SMCO2: variants seen among roughly 807,000 people sequenced by gnomAD.
The protein encoded by SMCO2 is single-pass membrane protein with coiled-coil domains 2, also known as single-pass membrane and coiled-coil domain-containing protein 2.
A neutral mutation model predicts 29.5 loss-of-function variants in SMCO2; 25 were observed. The ratio of observed to expected loss-of-function variants is 0.85; its 90% confidence interval spans 0.62 to 1.18. The LOEUF (loss-of-function observed/expected upper bound fraction) is 1.18. Ranked by LOEUF, SMCO2 falls within the 50% of genes most tolerant of loss-of-function variation. The probability of loss-of-function intolerance (pLI) is 0.00; values close to 1 mark genes in which losing one functional copy is unlikely to be tolerated. For synonymous variants in SMCO2, 117 were observed against 123.3 expected (o/e 0.95, Z 0.34); for missense variants, 348 against 344.5 (o/e 1.01, Z -0.08).
intron 1 of SMCO2, 146 bp from the exon 2 acceptor site, chr12:27,470,475 TG>T (rs1454824505): frequency 4.9e-6 from 4 of 816,072 alleles, no homozygotes; most frequent in Non-Finnish European, 1.8e-6. Flanking sequence ...GAGCTTGTTT[TG>T]GGGTCCTTTA....
chr12:27,470,860 C>CA, intron 2 of SMCO2, 95 bp downstream of exon 2: 1 of 1,378,542 alleles, frequency 7.3e-7, no homozygotes. Flanking sequence ...TTTCCAGGTT[C>CA]AGAGTCTAGG....
chr12:27,497,796 A>G, intron 7 of SMCO2: 2 of 200,362 alleles, frequency 1.0e-5, no homozygotes, highest in South Asian at 9.4e-5. Context: ...GGCTGCTCTT[A>G]AGCAAAAACT....
intron 4 of SMCO2, among the ~76,000 whole-genome samples, chr12:27,477,579 G>T (rs201910957): frequency 1.5e-5 from 2 of 131,120 alleles, no homozygotes; most frequent in African/African-American, 6.0e-5. Flanking sequence ...TCCAAATATT[G>T]GTTTCCTTAT....
At chr12:27,495,959 T>C in intron 7 of SMCO2, 104 bp downstream of exon 8, 3 of 1,165,024 alleles carry the variant, frequency 2.6e-6, no homozygotes, top group Non-Finnish European at 2.2e-6. Context: ...TGTTTTGTTT[T>C]ATTTTCGTTT....
At chr12:27,484,851 CAAAAAAAA>C (rs35818629) in intron 4 of SMCO2, among the ~76,000 whole-genome samples, 1 of 73,000 alleles carries the variant, frequency 1.4e-5, no homozygotes, top group Non-Finnish European at 2.7e-5. Flanking sequence ...GACTCCATCT[CAAAAAAAA>C]AAAAAAAAAA....
chr12:27,441,606 G>A, the SMCO2 span, among the ~76,000 whole-genome samples: 1 of 152,140 alleles, frequency 6.6e-6, no homozygotes, highest in African/African-American at 2.4e-5. Flanking sequence ...TAGGGAGAGA[G>A]AGACTGCAGT....
At chr12:27,454,500 A>G in the SMCO2 span, among the ~76,000 whole-genome samples, 1 of 152,184 alleles carries the variant, frequency 6.6e-6, no homozygotes, top group Non-Finnish European at 1.5e-5. Context: ...ACGTTTTACA[A>G]TTCTCTTTAC....
chr12:27,458,573 T>G, the SMCO2 span, among the ~76,000 whole-genome samples: 2 of 152,198 alleles, frequency 1.3e-5, no homozygotes, highest in Admixed American at 1.3e-4. Flanking sequence ...GGCTTAAAGA[T>G]AGAGTTTTAT....
chr12:27,456,169 C>T, the SMCO2 span, among the ~76,000 whole-genome samples: 18 of 152,100 alleles, frequency 1.2e-4, no homozygotes, highest in Non-Finnish European at 2.4e-4. Context: ...GAGCCGAGAT[C>T]GCACCTTTGC....
the SMCO2 span, among the ~76,000 whole-genome samples, chr12:27,440,068 T>C: frequency 6.6e-6 from 1 of 152,064 alleles, no homozygotes; most frequent in Admixed American, 6.6e-5. Context: ...TCCCAAAGGC[T>C]AAAGACAAAG....
At chr12:27,473,536 C>G (rs141451205) in intron 3 of SMCO2, among the ~76,000 whole-genome samples, 1 of 152,148 alleles carries the variant, frequency 6.6e-6, no homozygotes, top group Non-Finnish European at 1.5e-5. Flanking sequence ...GGTCCTAGTT[C>G]TGTATTAGGA....
At chr12:27,464,342 G>A (rs1303824614), upstream of SMCO2, among the ~76,000 whole-genome samples, 1 of 152,158 alleles carries the variant, frequency 6.6e-6, no homozygotes, top group Non-Finnish European at 1.5e-5. Flanking sequence ...GCATTCAGGG[G>A]CTGGCAGAGT....
At chr12:27,427,466 G>A in the SMCO2 span, among the ~76,000 whole-genome samples, 4 of 152,158 alleles carry the variant, frequency 2.6e-5, no homozygotes. Flanking sequence ...GCTCTTCTGA[G>A]GAAAGTAGAG....
At chr12:27,432,411 A>T in the SMCO2 span, among the ~76,000 whole-genome samples, 1,912 of 152,314 alleles carry the variant, frequency 0.013, 42 homozygotes, top group African/African-American at 0.043. Flanking sequence ...ACATTTTGAA[A>T]ACCTTAGGAA....
intron 3 of SMCO2, among the ~76,000 whole-genome samples, chr12:27,473,510 A>G (rs747115595): frequency 1.1e-4 from 17 of 152,186 alleles, no homozygotes; most frequent in South Asian, 2.1e-4. Context: ...TTTTCCAAAT[A>G]AGATAATATG....
chr12:27,487,306 A>G (rs1234236439), intron 4 of SMCO2, among the ~76,000 whole-genome samples: 1 of 152,206 alleles, frequency 6.6e-6, no homozygotes, highest in African/African-American at 2.4e-5. Flanking sequence ...TGAATGCTAC[A>G]TAAGTGAAAT....
chr12:27,469,363 G>T (rs964074614), intron 1 of SMCO2, among the ~76,000 whole-genome samples: 1 of 152,194 alleles, frequency 6.6e-6, no homozygotes, highest in South Asian at 2.1e-4. Context: ...CTTTCACAGG[G>T]GCCCCTTTTA....
upstream of SMCO2, among the ~76,000 whole-genome samples, chr12:27,464,117 C>G (rs1042249671): frequency 2.0e-5 from 3 of 152,300 alleles, no homozygotes; most frequent in Admixed American, 2.0e-4. Context: ...CAACAAGGGT[C>G]TGAACGAAGG....
chr12:27,502,138 G>C, exon 8 of SMCO2: 3 of 1,501,384 alleles, frequency 2.0e-6, no homozygotes, highest in Non-Finnish European at 2.7e-6. Flanking sequence ...AGAAGTTACT[G>C]TCACCCTACT....
Sources: gnomAD v4.1 joint callset for allele counts (sites outside exome capture counted in the v4.1 genomes callset) on GRCh38, gnomAD v4.1.1 for gene constraint, MANE v1.5 for transcripts, NCBI Gene and HGNC (gene_info 2026-07-23, HGNC 2026-07-21) for gene names.